NRG1: variants seen among roughly 807,000 people sequenced by gnomAD.
The protein encoded by NRG1 is neuregulin 1.
NRG1 carries 18 observed loss-of-function variants against 63.8 expected under a neutral mutation model. The observed-to-expected ratio is 0.28, with a 90% CI of 0.19 to 0.42. The LOEUF is 0.42. NRG1 is among the 10% of genes least tolerant of loss of function. NRG1 has a pLI of 1.00. For missense variants in NRG1, 762 were observed against 814.7 expected (o/e 0.94, Z 0.79); for synonymous variants, 302 against 301.3 (o/e 1.00, Z -0.02).
chr8:32,352,676 T>G (rs1260680514), intron 1 of NRG1, among the ~76,000 whole-genome samples: 3 of 151,822 alleles, frequency 2.0e-5, no homozygotes, highest in African/African-American at 7.3e-5. Context: ...AGGCTAGGAG[T>G]TTGAGACCAG....
intron 1 of NRG1, among the ~76,000 whole-genome samples, chr8:32,525,849 C>A (rs1270177599): frequency 6.6e-6 from 1 of 152,114 alleles, no homozygotes; most frequent in Admixed American, 6.6e-5. Flanking sequence ...TAGATTTCAG[C>A]ATTTGTGACT....
At chr8:32,383,112 G>A (rs1020383017) in intron 1 of NRG1, among the ~76,000 whole-genome samples, 2 of 151,774 alleles carry the variant, frequency 1.3e-5, no homozygotes, top group Non-Finnish European at 2.9e-5. Context: ...TGTAGTCACA[G>A]CTACTCAGGA....
At chr8:32,008,019 G>T (rs939200715) in intron 1 of NRG1, among the ~76,000 whole-genome samples, 1 of 151,890 alleles carries the variant, frequency 6.6e-6, no homozygotes, top group Non-Finnish European at 1.5e-5. Context: ...AAGGCTCAGG[G>T]AACACCACAC....
chr8:32,176,842 G>A (rs1585861888), intron 1 of NRG1, among the ~76,000 whole-genome samples: 1 of 152,086 alleles, frequency 6.6e-6, no homozygotes, highest in East Asian at 1.9e-4. Context: ...GTGCTGGAGA[G>A]GATGTGGAGA....
At chr8:32,681,129 A>T (rs764792237) in intron 5 of NRG1, among the ~76,000 whole-genome samples, 5 of 152,310 alleles carry the variant, frequency 3.3e-5, no homozygotes, top group East Asian at 1.9e-4. Context: ...TAGGAATCAG[A>T]TATACAAATG....
chr8:32,724,752 G>T (rs1157646538), intron 5 of NRG1, among the ~76,000 whole-genome samples: 1 of 152,096 alleles, frequency 6.6e-6, no homozygotes, highest in Admixed American at 6.5e-5. Flanking sequence ...TACAATTCGT[G>T]ATCATTTTTT....
At chr8:32,496,076 T>C (rs1827167183) in intron 1 of NRG1, among the ~76,000 whole-genome samples, 1 of 152,172 alleles carries the variant, frequency 6.6e-6, no homozygotes, top group Non-Finnish European at 1.5e-5. Context: ...ACTGAACAAA[T>C]AGTGCTAGGT....
chr8:31,973,190 C>T (rs927120217), intron 1 of NRG1, among the ~76,000 whole-genome samples: 1 of 152,262 alleles, frequency 6.6e-6, no homozygotes, highest in Non-Finnish European at 1.5e-5. Flanking sequence ...CACACTCATA[C>T]ATATACCATC....
intron 1 of NRG1, among the ~76,000 whole-genome samples, chr8:32,420,455 C>G (rs1816564410): frequency 6.6e-6 from 1 of 151,958 alleles, no homozygotes; most frequent in Non-Finnish European, 1.5e-5. Context: ...GGCTCAACAT[C>G]GAAGGTTCTT....
intron 1 of NRG1, among the ~76,000 whole-genome samples, chr8:31,750,851 T>A (rs535031822): frequency 1.3e-5 from 2 of 152,056 alleles, no homozygotes; most frequent in East Asian, 1.9e-4. Context: ...GTTCTCTACC[T>A]CCCTGGTTCC....
chr8:31,934,420 C>CTCTTTTT (rs780496777), intron 1 of NRG1, among the ~76,000 whole-genome samples: 3 of 108,062 alleles, frequency 2.8e-5, no homozygotes, highest in African/African-American at 8.2e-5. Flanking sequence ...TATTCGCTCT[C>CTCTTTTT]TTTTTTTTTT....
chr8:31,986,449 C>G (rs1052358686), intron 1 of NRG1, among the ~76,000 whole-genome samples: 5 of 152,034 alleles, frequency 3.3e-5, no homozygotes, highest in African/African-American at 9.7e-5. Flanking sequence ...AAAACTTGCT[C>G]TAGACACTTC....
chr8:31,708,777 G>A (rs573530676), intron 1 of NRG1, among the ~76,000 whole-genome samples: 6 of 152,102 alleles, frequency 3.9e-5, no homozygotes, highest in Non-Finnish European at 8.8e-5. Flanking sequence ...TTTTATTGTT[G>A]AGTTTTTTGT....
chr8:31,649,634 T>TAAGC (rs1804642874), intron 1 of NRG1, among the ~76,000 whole-genome samples: 1 of 152,152 alleles, frequency 6.6e-6, no homozygotes, highest in Non-Finnish European at 1.5e-5. Flanking sequence ...AAACAATGAT[T>TAAGC]TAAAGAGTAA....
chr8:31,860,221 A>G (rs949589366), intron 1 of NRG1, among the ~76,000 whole-genome samples: 2 of 152,212 alleles, frequency 1.3e-5, no homozygotes, highest in African/African-American at 2.4e-5. Flanking sequence ...ATTATGATTA[A>G]TCTATTCTGA....
At chr8:31,641,377 C>A (rs879361266) in intron 1 of NRG1, among the ~76,000 whole-genome samples, 1 of 151,124 alleles carries the variant, frequency 6.6e-6, no homozygotes, top group Non-Finnish European at 1.5e-5. Flanking sequence ...TTTGTTTTCA[C>A]AATATTTTGG....
intron 1 of NRG1, among the ~76,000 whole-genome samples, chr8:31,771,604 TTATATGTGTCAA>T (rs1226961589): frequency 6.6e-6 from 1 of 152,190 alleles, no homozygotes; most frequent in African/African-American, 2.4e-5. Context: ...CTATTCATTT[TTATATGTGTCAA>T]GAATGTGCTG....
intron 1 of NRG1, among the ~76,000 whole-genome samples, chr8:31,660,601 G>A (rs987068896): frequency 2.0e-5 from 3 of 152,244 alleles, no homozygotes; most frequent in East Asian, 1.9e-4. Flanking sequence ...ACAAAACTCC[G>A]GCTCACCAGC....
At chr8:32,486,222 G>A (rs1005764166) in intron 1 of NRG1, among the ~76,000 whole-genome samples, 16 of 152,202 alleles carry the variant, frequency 1.1e-4, no homozygotes, top group African/African-American at 3.1e-4. Flanking sequence ...GTGAGCCACC[G>A]CACCCAGCCT....
Sources: allele counts gnomAD v4.1 joint callset (sites outside exome capture counted in the v4.1 genomes callset), GRCh38; gene constraint gnomAD v4.1.1; transcripts MANE v1.5; gene names NCBI Gene and HGNC (gene_info 2026-07-23, HGNC 2026-07-21).